FRY: variants seen among roughly 807,000 people sequenced by gnomAD.
The protein encoded by FRY is protein furry homolog.
Under a neutral mutation model 348.4 loss-of-function variants are expected in FRY, and 128 were observed. That is an observed-to-expected ratio of 0.37 (90% CI 0.32 to 0.43). FRY has a LOEUF of 0.43. Ranked by LOEUF, FRY falls within the 20% of genes least tolerant of loss-of-function variation. The pLI is 1.00. For missense variants in FRY, 2,736 were observed against 3,695.2 expected (o/e 0.74, Z 6.73); for synonymous variants, 1,370 against 1,374.7 (o/e 1.00, Z 0.08).
chr13:32,235,497 G>A (rs1279225775), intron 42 of FRY, among the ~76,000 whole-genome samples: 2 of 152,178 alleles, frequency 1.3e-5, no homozygotes, highest in Non-Finnish European at 2.9e-5. Context: ...GGTAGCACAC[G>A]CCTATAATCC....
At chr13:32,282,997 C>T (rs975647689) in intron 58 of FRY, among the ~76,000 whole-genome samples, 5 of 151,922 alleles carry the variant, frequency 3.3e-5, no homozygotes, top group Non-Finnish European at 5.9e-5. Context: ...AAAAATGAGC[C>T]GGGCACAGTG....
chr13:32,246,086 C>T (rs1274242287), intron 47 of FRY, among the ~76,000 whole-genome samples: 2 of 152,240 alleles, frequency 1.3e-5, no homozygotes, highest in African/African-American at 4.8e-5. Context: ...GGTCAGTTGA[C>T]ACCTTTCTAC....
In FRY at chr13:32,274,833, G is replaced by A. The variant is rs371087214; in HGVS notation, c.8137-9G>A. 141 of 1,607,818 alleles carry A rather than the reference G, an allele frequency of 8.8e-5. No individual in the cohort carries two copies. The highest frequency in any genetic ancestry group is 1.2e-4 in the Non-Finnish European group (136 of 1,175,884). ...GACCTTTACAAATGGTCACTATTTT[G>A]CCTTGCAGAATATTCAGAAAAGGTT... On this transcript the variant is annotated splice_polypyrimidine_tract_variant and intron_variant, in intron 55 of 60. Transcript: ENST00000542859.
Position 32,173,482 on chromosome 13 carries a change from C to T in FRY, c.2267C>T (p.Thr756Ile). ...TTACTCTGCAGTTTCCAGGTGGCCA[C>T]ACGCAAACTGTCCGTTTTAATACTC... is the stretch of plus-strand genomic sequence containing the variant. Reference protein sequence around the residue: ...LVLLCSFQVATRKLSVLILKE... With the variant: ...LVLLCSFQVAIRKLSVLILKE... Residue 756 changes from threonine to isoleucine, a missense_variant, in exon 19 of 61, where the codon ACA becomes ATA. Transcript: ENST00000542859. 1 of 1,613,542 alleles carries T rather than the reference C, an allele frequency of 6.2e-7. No homozygotes were observed. The highest frequency in any genetic ancestry group is 8.5e-7 in the Non-Finnish European group (1 of 1,179,860).
At chr13:32,278,672 A>G (rs576510479) in intron 58 of FRY, 124 bp downstream of exon 58, 2 of 762,252 alleles carry the variant, frequency 2.6e-6, no homozygotes, top group African/African-American at 1.7e-5. Context: ...AAACATTTAC[A>G]TGAAACCAAC....
chr13:32,165,025 C>T (rs1315813024), intron 17 of FRY, among the ~76,000 whole-genome samples: 1 of 152,200 alleles, frequency 6.6e-6, no homozygotes, highest in Non-Finnish European at 1.5e-5. Flanking sequence ...AGAACATACA[C>T]CGTGCTATAC....
At chr13:32,232,096 C>T (rs1244300725) in intron 41 of FRY, among the ~76,000 whole-genome samples, 1 of 152,156 alleles carries the variant, frequency 6.6e-6, no homozygotes, top group African/African-American at 2.4e-5. Flanking sequence ...AATAGACTTC[C>T]GTTTCTAGTT....
intron 14 of FRY, among the ~76,000 whole-genome samples, chr13:32,151,747 T>C (rs1156862580): frequency 2.0e-5 from 3 of 152,224 alleles, no homozygotes; most frequent in Admixed American, 6.5e-5. Flanking sequence ...TGGTCATCAA[T>C]TTCTCTGTTT....
At chr13:32,038,875 A>G (rs1872646341) in intron 1 of FRY, among the ~76,000 whole-genome samples, 1 of 152,218 alleles carries the variant, frequency 6.6e-6, no homozygotes, top group South Asian at 2.1e-4. Context: ...CTGAGCATCA[A>G]CTAAGCACAA....
In FRY at chr13:32,178,234, G is replaced by C. The variant is rs752804382; in HGVS notation, c.2479G>C (p.Val827Leu). 9 of 1,614,162 alleles carry C rather than the reference G, an allele frequency of 5.6e-6. No homozygotes were observed. The highest frequency in any genetic ancestry group is 7.6e-6 in the Non-Finnish European group (9 of 1,179,990). The change falls in exon 21 of 61, where the codon GTC (valine) becomes CTC (leucine). Residue 827 changes from valine (V) to leucine (L), a missense_variant. Transcript: ENST00000542859. Reference protein sequence around the residue: ...DLQWLVEWNAVLVNSHYDVKS... With the variant: ...DLQWLVEWNALLVNSHYDVKS... ...GCAGTGGTTGGTGGAATGGAACGCA[G>C]TCCTGGTCAATAGCCATTATGATGT...
chr13:32,192,333 C>G (rs1444686577), intron 28 of FRY, among the ~76,000 whole-genome samples: 1 of 141,918 alleles, frequency 7.0e-6, no homozygotes, highest in African/African-American at 2.5e-5. Flanking sequence ...GAGTCTCGCT[C>G]TGTCCCCCCG....
At chr13:32,187,423 A>G (rs1883085868) in intron 27 of FRY, 123 bp from the exon 28 acceptor site, 9 of 698,298 alleles carry the variant, frequency 1.3e-5, no homozygotes, top group South Asian at 7.6e-5. Flanking sequence ...TCATGGGGAA[A>G]TAAGTGTCTT....
At chr13:32,135,545 G>A (rs1879661963) in intron 10 of FRY, among the ~76,000 whole-genome samples, 1 of 152,100 alleles carries the variant, frequency 6.6e-6, no homozygotes, top group Non-Finnish European at 1.5e-5. Flanking sequence ...AGCCTGCCCT[G>A]GCAAATTTCT....
chr13:32,289,972 G>A (rs879626606), intron 59 of FRY, among the ~76,000 whole-genome samples: 8 of 152,216 alleles, frequency 5.3e-5, no homozygotes, highest in Non-Finnish European at 1.0e-4. Flanking sequence ...TTAAGAACGC[G>A]TGTAGGAAGG....
chr13:32,045,507 T>C (rs1872974656), intron 1 of FRY, among the ~76,000 whole-genome samples: 1 of 152,236 alleles, frequency 6.6e-6, no homozygotes, highest in African/African-American at 2.4e-5. Context: ...TCAGCCTCCA[T>C]AGACAGGGAT....
Position 32,237,605 on chromosome 13 carries a change from G to A in FRY, c.6037G>A (p.Gly2013Ser), listed in dbSNP as rs1839298153. ...CAGAATTCAGGCTTGTACCCAACAAGGCCTCTCCTCAAAAACCAGAAGCTC... is the reference window on the plus strand; with the variant it reads ...CAGAATTCAGGCTTGTACCCAACAAAGCCTCTCCTCAAAAACCAGAAGCTC... Reference protein sequence around the residue: ...LDRIQACTQQGLSSKTRSSSS... With the variant: ...LDRIQACTQQSLSSKTRSSSS... The change falls in exon 44 of 61, where the codon GGC becomes AGC. Residue 2013 changes from glycine (G) to serine (S), a missense_variant. Transcript: ENST00000542859. This position sits in a 1 kb window ranked among gnomAD's most constrained non-coding sequence, Gnocchi z 6.3. The A allele has an allele frequency of 6.2e-7, 1 of 1,614,046 alleles. No homozygotes were observed. Among genetic ancestry groups the A allele is most frequent in the African/African-American group, 1.3e-5 (1 of 75,004 alleles).
At chr13:32,048,316 T>C (rs1342840058) in intron 1 of FRY, among the ~76,000 whole-genome samples, 1 of 152,180 alleles carries the variant, frequency 6.6e-6, no homozygotes, top group Non-Finnish European at 1.5e-5. Context: ...GAACTCAGCA[T>C]CTAATCTTAG....
chr13:32,292,790 C>CAATAAGTA (rs1889438350), intron 59 of FRY, among the ~76,000 whole-genome samples: 1 of 141,016 alleles, frequency 7.1e-6, no homozygotes, highest in Admixed American at 7.1e-5. Flanking sequence ...GACTCCATCT[C>CAATAAGTA]AATAAATAAA....
intron 35 of FRY, 46 bp from the exon 36 acceptor site, chr13:32,218,703 A>T (rs1211558600): frequency 2.9e-6 from 3 of 1,044,738 alleles, no homozygotes; most frequent in Non-Finnish European, 4.4e-6. Context: ...AAAAGCGCAT[A>T]TGCACACATG....
Sources: allele counts gnomAD v4.1 joint callset (sites outside exome capture counted in the v4.1 genomes callset), GRCh38; gene constraint gnomAD v4.1.1; non-coding constraint Gnocchi (gnomAD v3.1); transcripts MANE v1.5; gene names NCBI Gene and HGNC (gene_info 2026-07-23, HGNC 2026-07-21).